CAST: variants seen among roughly 807,000 people sequenced by gnomAD.
CAST encodes calpastatin, also known as MIR583 host.
Under a neutral mutation model 119.6 loss-of-function variants are expected in CAST, and 76 were observed. The ratio of observed to expected loss-of-function variants is 0.64; its 90% confidence interval spans 0.53 to 0.77. The LOEUF is 0.77. Ranked by LOEUF, CAST falls within the 30% of genes least tolerant of loss-of-function variation. The probability of loss-of-function intolerance (pLI) is 0.00; values close to 1 mark genes in which losing one functional copy is unlikely to be tolerated. For synonymous variants in CAST, 319 were observed against 331.6 expected (o/e 0.96, Z 0.41); for missense variants, 953 against 946.5 (o/e 1.01, Z -0.09).
At chr5:96,135,209 C>A in the CAST span, among the ~76,000 whole-genome samples, 1 of 152,086 alleles carries the variant, frequency 6.6e-6, no homozygotes, top group Admixed American at 6.5e-5. Context: ...TTACTTACTG[C>A]TTTAAAATAT....
At chr5:96,395,650 G>A in the CAST span, among the ~76,000 whole-genome samples, 1 of 152,112 alleles carries the variant, frequency 6.6e-6, no homozygotes, top group Non-Finnish European at 1.5e-5. Context: ...AGGGAGTAGG[G>A]GGCAAGGGGA....
At chr5:96,651,986 G>C (rs1304577343) in intron 1 of CAST, among the ~76,000 whole-genome samples, 1 of 152,164 alleles carries the variant, frequency 6.6e-6, no homozygotes. Context: ...GCCCTGCAAG[G>C]TATATATTAG....
rs532947257 is a variant in CAST, at chr5:96,685,019, G to A, written c.138+9418G>A. Among the ~76,000 whole-genome samples the A allele has an allele frequency of 2.0e-5, 3 of 151,060 alleles. No homozygotes were observed. In the South Asian group the frequency reaches 6.2e-4, roughly 31 times the overall value. On this transcript the variant is annotated intron_variant, in intron 2 of 31. Coordinates refer to ENST00000675179, the MANE Select transcript of CAST (RefSeq NM_001750.7). ...AGGGAATGGTATTAAAAAAACAACT[G>A]AACACTTTGCCTCTATGAGAGAATA... is the stretch of plus-strand genomic sequence containing the variant.
At chr5:96,201,473 C>T in the CAST span, among the ~76,000 whole-genome samples, 1 of 152,108 alleles carries the variant, frequency 6.6e-6, no homozygotes, top group Admixed American at 6.6e-5. Flanking sequence ...CACACAGAAA[C>T]AGCAATGACC....
At chr5:96,045,284 C>T in the CAST span, among the ~76,000 whole-genome samples, 1 of 150,240 alleles carries the variant, frequency 6.7e-6, no homozygotes, top group Non-Finnish European at 1.5e-5. Flanking sequence ...ACCCAGGAGG[C>T]GGAGGTCGCA....
At chr5:96,242,661 A>T in the CAST span, among the ~76,000 whole-genome samples, 1,221 of 152,194 alleles carry the variant, frequency 8.0e-3, 19 homozygotes, top group African/African-American at 0.027. Context: ...TCTTTTGTGG[A>T]TGGTGTCTCC....
intron 1 of CAST, among the ~76,000 whole-genome samples, chr5:96,617,083 G>A (rs1168439566): frequency 6.6e-6 from 1 of 152,182 alleles, no homozygotes; most frequent in Non-Finnish European, 1.5e-5. Context: ...GGTTGCTACT[G>A]TGAATCACTT....
chr5:96,529,434 T>TA (rs1440385836), upstream of CAST, among the ~76,000 whole-genome samples: 1 of 151,970 alleles, frequency 6.6e-6, no homozygotes, highest in African/African-American at 2.4e-5. Context: ...AATTGATAGA[T>TA]AAAAATTGTA....
chr5:96,232,369 A>G, the CAST span, among the ~76,000 whole-genome samples: 2 of 152,120 alleles, frequency 1.3e-5, no homozygotes, highest in Non-Finnish European at 2.9e-5. Context: ...CTAGTTAACA[A>G]AATAACATAG....
intron 1 of CAST, among the ~76,000 whole-genome samples, chr5:96,559,661 C>A (rs1289845181): frequency 6.6e-6 from 1 of 151,992 alleles, no homozygotes; most frequent in Non-Finnish European, 1.5e-5. Flanking sequence ...CGTAAAGGAC[C>A]CCTTCAAGGA....
upstream of CAST, chr5:96,662,164 G>A (rs1189936736): frequency 5.0e-6 from 2 of 401,566 alleles, no homozygotes; most frequent in Admixed American, 4.7e-5. Context: ...GCGGGTCACC[G>A]GGTGAGGACC....
chr5:96,590,251 GC>G (rs1394957380), intron 1 of CAST, among the ~76,000 whole-genome samples: 1 of 152,172 alleles, frequency 6.6e-6, no homozygotes, highest in African/African-American at 2.4e-5. Flanking sequence ...ATCAGAATAT[GC>G]ATTTTTAGTG....
At chr5:96,284,980 T>C in the CAST span, among the ~76,000 whole-genome samples, 3 of 152,368 alleles carry the variant, frequency 2.0e-5, no homozygotes, top group Non-Finnish European at 4.4e-5. Flanking sequence ...CTATTAGCCC[T>C]AACCTTTCTA....
At chr5:96,452,919 C>T in the CAST span, among the ~76,000 whole-genome samples, 1 of 118,496 alleles carries the variant, frequency 8.4e-6, no homozygotes, top group South Asian at 2.6e-4. Flanking sequence ...CACTGCAGTC[C>T]GCAGTCCGGC....
chr5:96,045,735 T>C, the CAST span, among the ~76,000 whole-genome samples: 1 of 152,162 alleles, frequency 6.6e-6, no homozygotes, highest in East Asian at 1.9e-4. Flanking sequence ...ACATAGTAAA[T>C]AGCAGAGTGA....
chr5:96,727,385 CTT>C, intron 5 of CAST, 102 bp from the exon 6 acceptor site: 2 of 579,618 alleles, frequency 3.5e-6, no homozygotes, highest in Non-Finnish European at 5.9e-6. Context: ...AAAATCATCT[CTT>C]TTGAGTTTCC....
the CAST span, among the ~76,000 whole-genome samples, chr5:96,364,187 T>G: frequency 6.6e-6 from 1 of 152,250 alleles, no homozygotes; most frequent in African/African-American, 2.4e-5. Flanking sequence ...TGAAGACAAC[T>G]TGATCATGGT....
the CAST span, among the ~76,000 whole-genome samples, chr5:96,388,853 CAA>C: frequency 6.6e-6 from 1 of 152,026 alleles, no homozygotes; most frequent in Non-Finnish European, 1.5e-5. Flanking sequence ...ATGTACAACA[CAA>C]ACACACACAA....
At chr5:96,751,909 C>T (rs1341786834) in intron 20 of CAST, among the ~76,000 whole-genome samples, 2 of 152,244 alleles carry the variant, frequency 1.3e-5, no homozygotes, top group African/African-American at 4.8e-5. Flanking sequence ...TTTCCCCGTC[C>T]TCCTTTCCAG....
Sources: allele counts gnomAD v4.1 joint callset (sites outside exome capture counted in the v4.1 genomes callset), GRCh38; gene constraint gnomAD v4.1.1; transcripts MANE v1.5; gene names NCBI Gene and HGNC (gene_info 2026-07-23, HGNC 2026-07-21).